The following KPNA3 variants were observed in gnomAD, a reference collection of about 807,000 sequenced individuals.
KPNA3 encodes importin subunit alpha-4.
In KPNA3, 13 loss-of-function variants were observed where a neutral mutation model predicts 73.8. The ratio of observed to expected loss-of-function variants is 0.18; its 90% confidence interval spans 0.11 to 0.28. The LOEUF is 0.28. Among genes scored for constraint, KPNA3 ranks in the 10% least tolerant of loss-of-function variants. KPNA3 has a pLI of 1.00. For synonymous variants in KPNA3, 186 were observed against 206.9 expected, an observed-to-expected ratio of 0.90 and a Z score of 0.87; for missense variants, 360 against 618.1, an observed-to-expected ratio of 0.58 and a Z score of 4.43.
intron 1 of KPNA3, among the ~76,000 whole-genome samples, chr13:49,754,068 G>A (rs1486942733): frequency 5.3e-5 from 8 of 152,190 alleles, no homozygotes; most frequent in East Asian, 1.9e-4. Context: ...AAACTGAGGC[G>A]GGTGGAGCAT....
chr13:49,724,056 G>A (rs1954385807), intron 7 of KPNA3, among the ~76,000 whole-genome samples: 1 of 151,928 alleles, frequency 6.6e-6, no homozygotes, highest in Non-Finnish European at 1.5e-5. Context: ...GTTTTTTGGG[G>A]GGTCTGACTT....
chr13:49,764,361 C>A (rs1954792883), intron 1 of KPNA3, among the ~76,000 whole-genome samples: 2 of 152,114 alleles, frequency 1.3e-5, no homozygotes, highest in African/African-American at 4.8e-5. Context: ...AGGTCTCTAA[C>A]CTCAATTAAG....
intron 2 of KPNA3, among the ~76,000 whole-genome samples, chr13:49,742,869 T>G (rs1294258557): frequency 6.6e-6 from 1 of 152,228 alleles, no homozygotes; most frequent in Non-Finnish European, 1.5e-5. Flanking sequence ...GGCCTATATC[T>G]GAAGTATTTG....
chr13:49,782,468 T>C (rs1954948536), intron 1 of KPNA3, among the ~76,000 whole-genome samples: 1 of 152,206 alleles, frequency 6.6e-6, no homozygotes, highest in Non-Finnish European at 1.5e-5. Context: ...TACCACACTG[T>C]ACACTAGCCA....
intron 1 of KPNA3, among the ~76,000 whole-genome samples, chr13:49,759,017 TAG>T (rs1276060239): frequency 6.6e-6 from 1 of 152,174 alleles, no homozygotes; most frequent in Non-Finnish European, 1.5e-5. Context: ...TTTACGAGAC[TAG>T]AGTCTTGTAA....
chr13:49,775,283 A>AAATAGTGC (rs1954889138), intron 1 of KPNA3, among the ~76,000 whole-genome samples: 1 of 152,236 alleles, frequency 6.6e-6, no homozygotes, highest in East Asian at 1.9e-4. Context: ...TAGTAAGTTA[A>AAATAGTGC]AATAGTGCTT....
intron 15 of KPNA3, among the ~76,000 whole-genome samples, chr13:49,704,310 C>T (rs1281500417): frequency 6.6e-6 from 1 of 151,774 alleles, no homozygotes; most frequent in Non-Finnish European, 1.5e-5. Context: ...ATAATCCCAG[C>T]TACTAGGGAG....
chr13:49,746,899 T>TA (rs1318600768), intron 2 of KPNA3, 50 bp downstream of exon 2: 1 of 1,394,702 alleles, frequency 7.2e-7, no homozygotes, highest in South Asian at 1.2e-5. Context: ...CACAGAATTT[T>TA]AACATCAGAA....
In KPNA3 at chr13:49,747,699, A is replaced by G. The variant is rs1425534572; in HGVS notation, c.70-706T>C. On this transcript the variant is annotated intron_variant, in intron 1 of 16. Transcript: ENST00000261667. ...AGACTCTGTCTCAAAAAATAAATAA[A>G]TAAGAAGAAATTTATAATCTCAATG... Among the ~76,000 whole-genome samples, 4 of 152,296 alleles carry G rather than the reference A, an allele frequency of 2.6e-5. No individual in the cohort carries two copies. The East Asian group carries it at 5.8e-4, about 22-fold the overall frequency.
intron 12 of KPNA3, 65 bp from the exon 13 acceptor site, chr13:49,706,437 A>G (rs1954208236): frequency 9.4e-7 from 1 of 1,064,442 alleles, no homozygotes; most frequent in African/African-American, 1.6e-5. Context: ...TCTTTCTAAT[A>G]TATTTTATAT....
chr13:49,782,105 A>AGGCACATTAATTAATCAGAGGCAGG (rs1954945731), intron 1 of KPNA3, among the ~76,000 whole-genome samples: 1 of 152,220 alleles, frequency 6.6e-6, no homozygotes, highest in Non-Finnish European at 1.5e-5. Context: ...GAAAAATGTG[A>AGGCACATTAATTAATCAGAGGCAGG]GGCACATTAA....
intron 1 of KPNA3, among the ~76,000 whole-genome samples, chr13:49,751,265 A>C (rs1473202445): frequency 6.6e-6 from 1 of 152,252 alleles, no homozygotes; most frequent in Middle Eastern, 3.4e-3. Flanking sequence ...ACAACCATCC[A>C]AATAGTTTCA....
chr13:49,747,131 CAGG>C, intron 1 of KPNA3, 138 bp from the exon 2 acceptor site: 1 of 540,680 alleles, frequency 1.8e-6, no homozygotes, highest in Non-Finnish European at 3.2e-6. Context: ...CACTTGAGGT[CAGG>C]AGTTCAAAAC....
intron 1 of KPNA3, 41 bp from the exon 2 acceptor site, chr13:49,747,034 G>A (rs756277349): frequency 1.1e-5 from 16 of 1,419,638 alleles, no homozygotes; most frequent in African/African-American, 2.8e-5. Context: ...ATCAAAATAC[G>A]GACACTGCTA....
intron 9 of KPNA3, among the ~76,000 whole-genome samples, chr13:49,720,846 A>C (rs919901612): frequency 1.3e-5 from 2 of 152,126 alleles, no homozygotes; most frequent in Non-Finnish European, 2.9e-5. Flanking sequence ...TAAATAAAAA[A>C]GTTTTTACTT....
chr13:49,738,837 T>C (rs1954547843), intron 2 of KPNA3, among the ~76,000 whole-genome samples: 1 of 152,182 alleles, frequency 6.6e-6, no homozygotes, highest in Admixed American at 6.5e-5. Context: ...TTTCTTGCCT[T>C]ATATGGCACT....
intron 1 of KPNA3, among the ~76,000 whole-genome samples, chr13:49,766,366 T>C (rs1954807871): frequency 6.6e-6 from 1 of 152,238 alleles, no homozygotes; most frequent in Admixed American, 6.5e-5. Context: ...ATATTTATTT[T>C]ACAGTCTTTC....
At chr13:49,710,134 T>C (rs1411119156) in intron 11 of KPNA3, among the ~76,000 whole-genome samples, 1 of 152,138 alleles carries the variant, frequency 6.6e-6, no homozygotes, top group Non-Finnish European at 1.5e-5. Flanking sequence ...TGATGGTGCA[T>C]GCCTGTAATC....
chr13:49,709,655 C>T lies in KPNA3; in HGVS notation c.949G>A (p.Glu317Lys). The T allele has an allele frequency of 6.2e-7, 1 of 1,613,834 alleles. No individual in the cohort carries two copies. Among genetic ancestry groups the T allele is most frequent in the Non-Finnish European group, 8.5e-7 (1 of 1,179,866 alleles). ...AVGNIVTGTD[E>K]QTQVVLNCDV... ...CAATTGAGAACAACCTGGGTCTGCT[C>T]GTCGGTGCCAGTCACTATGTTGCCA... Residue 317 changes from glutamate to lysine, a missense_variant, in exon 12 of 17, where the codon GAG becomes AAG. This residue lies in a region of KPNA3 where 287 missense variants were observed against 549.1 expected (regional missense o/e 0.52). Transcript: ENST00000261667.
Sources: allele counts gnomAD v4.1 joint callset (sites outside exome capture counted in the v4.1 genomes callset), GRCh38; gene constraint gnomAD v4.1.1; regional missense constraint gnomAD v4.1.1; transcripts MANE v1.5; gene names NCBI Gene and HGNC (gene_info 2026-07-23, HGNC 2026-07-21).